CCNA1: variants seen among roughly 807,000 people sequenced by gnomAD.
The protein encoded by CCNA1 is cyclin A1, also known as cyclin-A1.
Under a neutral mutation model 54.1 loss-of-function variants are expected in CCNA1, and 23 were observed. The observed-to-expected ratio is 0.42, with a 90% CI of 0.31 to 0.60. The LOEUF is 0.60. Ranked by LOEUF, CCNA1 falls within the 20% of genes least tolerant of loss-of-function variation. The pLI is 0.14. For synonymous variants in CCNA1, 208 were observed against 213.9 expected (o/e 0.97, Z 0.24); for missense variants, 450 against 556.7 (o/e 0.81, Z 1.93).
intron 2 of CCNA1, among the ~76,000 whole-genome samples, 153 bp downstream of exon 2, chr13:36,433,374 CTT>C (rs1237905066): frequency 3.1e-4 from 4 of 13,104 alleles, no homozygotes; most frequent in Non-Finnish European, 4.2e-4. Context: ...GATTTATTTT[CTT>C]TCTTTCTTTC....
upstream of CCNA1, chr13:36,432,442 C>T (rs1472287942): frequency 2.1e-5 from 9 of 435,120 alleles, no homozygotes; most frequent in African/African-American, 1.7e-4. Flanking sequence ...CCTGCCCCGC[C>T]CTGCCCCGCC....
intron 2 of CCNA1, among the ~76,000 whole-genome samples, chr13:36,434,539 T>C (rs1399334422): frequency 6.6e-6 from 1 of 152,154 alleles, no homozygotes; most frequent in Non-Finnish European, 1.5e-5. Context: ...AATGGTCGCA[T>C]TTTAAATTCC....
At chr13:36,435,672 A>T (rs2055794778) in intron 2 of CCNA1, among the ~76,000 whole-genome samples, 1 of 152,194 alleles carries the variant, frequency 6.6e-6, no homozygotes, top group Non-Finnish European at 1.5e-5. Context: ...TCACTCCCTT[A>T]GTAGCCTCTT....
intron 2 of CCNA1, among the ~76,000 whole-genome samples, chr13:36,434,042 G>C (rs1231805509): frequency 3.3e-5 from 5 of 152,208 alleles, no homozygotes; most frequent in African/African-American, 1.2e-4. Flanking sequence ...CTCCAGGTTA[G>C]AGCAGTGTTC....
intron 5 of CCNA1, among the ~76,000 whole-genome samples, chr13:36,439,558 T>C (rs1411831141): frequency 6.6e-6 from 1 of 152,230 alleles, no homozygotes; most frequent in Admixed American, 6.5e-5. Context: ...GTGGACAAAG[T>C]TGAACAGCAT....
At chr13:36,433,423 T>TTTCTTTCTTTCTTTCTTTCG (rs1159375217) in intron 2 of CCNA1, among the ~76,000 whole-genome samples, 1 of 121,244 alleles carries the variant, frequency 8.2e-6, no homozygotes, top group African/African-American at 3.1e-5. Context: ...TCTTTCTTTC[T>TTTCTTTCTTTCTTTCTTTCG]TTCTTTCTTT....
rs368468302 is a variant in CCNA1 at position 36,433,415 on chromosome 13, T to G, written c.297+194T>G. Among the ~76,000 whole-genome samples the G allele has an allele frequency of 1.9e-3, 228 of 121,666 alleles. 7 individuals carry two copies. The highest frequency in any genetic ancestry group is 8.3e-3 in the Middle Eastern group (2 of 240). The allele number at this position is 121,666 out of a possible 152,430, so 79.8% of individuals were successfully genotyped here. On this transcript the variant is annotated intron_variant, in intron 2 of 8. Transcript: ENST00000255465. ...CTTTCTTTCTTTCTTTCTTTCTTTC[T>G]TTCTTTCTTTCTTTCTTTCTTTCTT...
At chr13:36,438,505 C>A in intron 4 of CCNA1, 139 bp from the exon 5 acceptor site, 1 of 692,382 alleles carries the variant, frequency 1.4e-6, no homozygotes. Flanking sequence ...CACTTTCTTC[C>A]TTGTTATGAT....
upstream of CCNA1, chr13:36,431,668 C>G (rs540091397): frequency 6.6e-6 from 1 of 152,446 alleles, no homozygotes; most frequent in African/African-American, 2.4e-5. Flanking sequence ...GGGAGCCGGG[C>G]GGGGCAGGCG....
At chr13:36,441,021 AAAGAT>A (rs1169906994) in intron 6 of CCNA1, 92 bp from the exon 7 acceptor site, 2 of 625,930 alleles carry the variant, frequency 3.2e-6, no homozygotes, top group Admixed American at 2.8e-5. Flanking sequence ...CCGACTGAAC[AAAGAT>A]AAGATACCAT....
intron 5 of CCNA1, among the ~76,000 whole-genome samples, 187 bp from the exon 6 acceptor site, chr13:36,439,792 A>G (rs1305405721): frequency 6.6e-6 from 1 of 152,184 alleles, no homozygotes; most frequent in Non-Finnish European, 1.5e-5. Context: ...CCTTGTGATA[A>G]TCATGTTCTT....
At chr13:36,440,960 A>AT (rs2137835272) in intron 6 of CCNA1, among the ~76,000 whole-genome samples, 158 bp from the exon 7 acceptor site, 1 of 152,366 alleles carries the variant, frequency 6.6e-6, no homozygotes, top group Admixed American at 6.5e-5. Context: ...ATAGACAGGC[A>AT]TACCAATTAC....
intron 2 of CCNA1, among the ~76,000 whole-genome samples, chr13:36,435,895 A>T (rs2055798471): frequency 6.6e-6 from 1 of 152,224 alleles, no homozygotes; most frequent in African/African-American, 2.4e-5. Context: ...CAGTAAATGG[A>T]GTAGCCATCC....
At chr13:36,442,518 A>C in intron 8 of CCNA1, 96 bp from the exon 9 acceptor site, 1 of 1,289,834 alleles carries the variant, frequency 7.8e-7, no homozygotes, top group Non-Finnish European at 1.1e-6. Flanking sequence ...CCTTCCTTCC[A>C]TTCTGTTAAA....
chr13:36,434,669 C>T (rs1039892323), intron 2 of CCNA1, among the ~76,000 whole-genome samples: 3 of 151,982 alleles, frequency 2.0e-5, no homozygotes, highest in African/African-American at 7.3e-5. Flanking sequence ...TCAGTAACCT[C>T]CTCCTTCATG....
At chr13:36,436,565 T>C (rs939714569) in intron 2 of CCNA1, among the ~76,000 whole-genome samples, 21 of 152,176 alleles carry the variant, frequency 1.4e-4, no homozygotes, top group African/African-American at 4.6e-4. Context: ...AGTATCTATG[T>C]AGCAAGAGTC....
upstream of CCNA1, chr13:36,432,232 G>T: frequency 5.4e-6 from 1 of 185,218 alleles, no homozygotes. Flanking sequence ...GCATGGAAAC[G>T]CTCCCGCTAG....
chr13:36,435,921 C>T (rs2055799044), intron 2 of CCNA1, among the ~76,000 whole-genome samples: 1 of 152,240 alleles, frequency 6.6e-6, no homozygotes, highest in Admixed American at 6.5e-5. Context: ...GTTATTTAGC[C>T]TCCAAACCTT....
At chr13:36,434,721 A>T (rs550054794) in intron 2 of CCNA1, among the ~76,000 whole-genome samples, 2 of 151,308 alleles carry the variant, frequency 1.3e-5, no homozygotes, top group African/African-American at 4.8e-5. Flanking sequence ...TTTCCTAAAA[A>T]TATAGAAGCA....
Sources: gnomAD v4.1 joint callset for allele counts (sites outside exome capture counted in the v4.1 genomes callset) on GRCh38, gnomAD v4.1.1 for gene constraint, MANE v1.5 for transcripts, NCBI Gene and HGNC (gene_info 2026-07-23, HGNC 2026-07-21) for gene names.